The following FSIP2 variants were observed in gnomAD, a reference collection of about 807,000 sequenced individuals.
The protein encoded by FSIP2 is fibrous sheath interacting protein 2, also known as fibrous sheath-interacting protein 2.
Under a neutral mutation model 510.5 loss-of-function variants are expected in FSIP2, and 367 were observed. The ratio of observed to expected loss-of-function variants is 0.72; its 90% CI spans 0.66 to 0.78. The LOEUF (loss-of-function observed/expected upper bound fraction) is 0.78, where lower values mean the gene tolerates loss of function less well. FSIP2 is among the 30% of genes least tolerant of loss of function. The pLI is 0.00. For missense variants in FSIP2, 7,594 were observed against 7,901.7 expected, an observed-to-expected ratio of 0.96 and a Z score of 1.48; for synonymous variants, 2,601 against 2,732.2, an observed-to-expected ratio of 0.95 and a Z score of 1.50.
In FSIP2 at chr2:185,794,011, G is replaced by T. The variant is rs1693206020; in HGVS notation, c.6875G>T (p.Cys2292Phe). The T allele has an allele frequency of 6.5e-7, 1 of 1,533,526 alleles. No individual in the cohort carries two copies. The highest frequency in any genetic ancestry group is 1.4e-5 in the African/African-American group (1 of 72,844). 95.0% of individuals were successfully genotyped at this position (1,533,526 alleles called of 1,614,324 possible). A position where few individuals can be genotyped will look rare whatever the true frequency, so the allele number is the denominator to read the frequency against. The change falls in exon 16 of 23, where the codon TGT becomes TTT. Residue 2292 changes from cysteine to phenylalanine, a missense_variant. Cys to Phe is a radical substitution (Grantham distance 205, BLOSUM62 -2). Transcript: ENST00000424728. ...TTTGTTATCCCAGAATTGGAAAATT[G>T]TAAACAAAATGACAGCATCTTTTAT... ...KSFVIPELEN[C>F]KQNDSIFYDS...
intron 20 of FSIP2, among the ~76,000 whole-genome samples, chr2:185,825,722 TACTC>T (rs1694003176): frequency 6.6e-6 from 1 of 151,846 alleles, no homozygotes; most frequent in Non-Finnish European, 1.5e-5. Flanking sequence ...ATCATTTGCT[TACTC>T]ATTCATCCAA....
In FSIP2 at chr2:185,789,771, G is replaced by T; in HGVS notation, c.2635G>T (p.Glu879Ter). Residue 879 changes from glutamate to a stop codon, truncating the protein, a stop_gained, in exon 16 of 23, where the codon GAA (glutamate) becomes TAA (stop). Transcript: ENST00000424728. LOFTEE classifies it high-confidence loss of function. Reference sequence around the variant, plus strand: ...AAATAAATCTAGTCTTGAATCTGATGAAGCTAGTTTAATTGTCAATGAAGA... The same window carrying T: ...AAATAAATCTAGTCTTGAATCTGATTAAGCTAGTTTAATTGTCAATGAAGA... The part of the protein sequence containing the change: ...GKNKSSLESD[E>*]ASLIVNEEVQ... 2.0e-6 allele frequency: 3 copies of T among 1,534,380 alleles called. No homozygotes were observed. The highest frequency in any genetic ancestry group is 2.6e-6 in the Non-Finnish European group (3 of 1,145,708).
Position 185,806,255 on chromosome 2 carries a change from G to T in FSIP2, c.16949G>T (p.Arg5650Leu). 2 of 1,609,852 alleles carry T rather than the reference G, an allele frequency of 1.2e-6. No individual in the cohort carries two copies. The highest frequency in any genetic ancestry group is 1.7e-6 in the Non-Finnish European group (2 of 1,177,846). The change falls in exon 17 of 23, where the codon CGA (arginine) becomes CTA (leucine). Residue 5650 changes from arginine to leucine, a missense_variant. Physicochemically the swap from Arg to Leu is moderately radical, Grantham distance 102. Coordinates refer to ENST00000424728, the MANE Select transcript of FSIP2 (RefSeq NM_173651.4). ...TTTDTLEIRI[R>L]TSSNEGRRDS... is the part of the protein sequence containing the mutation. The stretch of plus-strand genomic sequence containing the variant: ...ACAGATACTTTGGAAATAAGAATTC[G>T]AACATCAAGCAATGAGGGGAGAAGA...
chr2:185,818,806 A>T (rs2105674972), intron 19 of FSIP2, among the ~76,000 whole-genome samples: 1 of 152,052 alleles, frequency 6.6e-6, no homozygotes, highest in East Asian at 1.9e-4. Flanking sequence ...GATCTACCTG[A>T]CAAGAAATGC....
intron 19 of FSIP2, among the ~76,000 whole-genome samples, chr2:185,821,166 G>C (rs998458497): frequency 5.3e-5 from 8 of 151,916 alleles, no homozygotes; most frequent in South Asian, 4.1e-4. Context: ...AGGGTACTAT[G>C]AATAATTGTA....
At chr2:185,778,275 G>GTTCT (rs1475499276) in intron 13 of FSIP2, among the ~76,000 whole-genome samples, 1 of 151,850 alleles carries the variant, frequency 6.6e-6, no homozygotes, top group African/African-American at 2.4e-5. Context: ...TAATGTCTCT[G>GTTCT]TTCTTTAGAT....
rs1292658005 is a variant in FSIP2, at chr2:185,793,820, T to C, written c.6684T>C (p.Asn2228=). Residue 2228 remains asparagine, a synonymous_variant, in exon 16 of 23, where the codon AAT becomes AAC. Transcript: ENST00000424728. The stretch of plus-strand genomic sequence containing the variant: ...AGAAATCAGCTTATGCTGATGATAA[T>C]CAGATAACTGTAGTAGAGAAAGAAG... ...RNQKSAYADD[N]QITVVEKEDT... is the part of the protein sequence containing the mutation. 5 of 1,532,596 alleles carry C rather than the reference T, an allele frequency of 3.3e-6. No homozygotes were observed. Among genetic ancestry groups the C allele is most frequent in the Admixed American group, 2.0e-5 (1 of 50,580 alleles). The allele number at this position is 1,532,596 out of a possible 1,614,324, so 94.9% of individuals were successfully genotyped here. A position where few individuals can be genotyped will look rare whatever the true frequency, so the allele number is the denominator to read the frequency against.
intron 7 of FSIP2, among the ~76,000 whole-genome samples, chr2:185,751,782 G>C: frequency 6.6e-6 from 1 of 150,566 alleles, no homozygotes. Flanking sequence ...AATTTATTAG[G>C]GTAGCTCTTA....
At chr2:185,778,812 A>T (rs906371112) in intron 13 of FSIP2, among the ~76,000 whole-genome samples, 1 of 152,070 alleles carries the variant, frequency 6.6e-6, no homozygotes, top group Non-Finnish European at 1.5e-5. Context: ...ATACACATAT[A>T]TACTTATTTT....
rs1230691690 is a variant in FSIP2, at chr2:185,795,386, T to C, written c.8250T>C (p.Ile2750=). The C allele has an allele frequency of 9.1e-6, 14 of 1,534,808 alleles. No homozygotes were observed. Among genetic ancestry groups the C allele is most frequent in the Non-Finnish European group, 1.2e-5 (14 of 1,146,202 alleles). Reference sequence around the variant, plus strand: ...TAATAATTAACATCCTAGAAACAATTGTGAAGGAATTTGGAAAGGTAAAGC... The same window carrying C: ...TAATAATTAACATCCTAGAAACAATCGTGAAGGAATTTGGAAAGGTAAAGC... ...KDIIINILET[I]VKEFGKVKQT... Residue 2750 remains isoleucine, a synonymous_variant, in exon 16 of 23, where the codon ATT becomes ATC. Transcript: ENST00000424728.
chr2:185,739,127 C>CCGGGGG (rs1691865778), intron 1 of FSIP2, 134 bp downstream of exon 1: 2 of 1,274,056 alleles, frequency 1.6e-6, no homozygotes, highest in Non-Finnish European at 2.1e-6. Flanking sequence ...CTTGCGGCGC[C>CCGGGGG]CGGGGGCGGT....
In FSIP2 at chr2:185,803,508, C is replaced by T; in HGVS notation, c.14202C>T (p.Ile4734=). ...KTLAARITNI[I]LAEIFDFQIH... ...TGGCTGCAAGAATAACTAATATCATCCTGGCTGAAATTTTTGATTTCCAAA... is the reference window on the plus strand; with the variant it reads ...TGGCTGCAAGAATAACTAATATCATTCTGGCTGAAATTTTTGATTTCCAAA... The change falls in exon 17 of 23, where the codon ATC becomes ATT. Residue 4734 remains isoleucine, a synonymous_variant. Transcript: ENST00000424728. 1.3e-6 allele frequency: 2 copies of T among 1,532,458 alleles called. No individual in the cohort carries two copies. Among genetic ancestry groups the T allele is most frequent in the African/African-American group, 2.7e-5 (2 of 72,932 alleles). 94.9% of individuals were successfully genotyped at this position (1,532,458 alleles called of 1,614,324 possible). A position where few individuals can be genotyped will look rare whatever the true frequency, so the allele number is the denominator to read the frequency against.
chr2:185,795,968 T>G lies in FSIP2; in HGVS notation c.8832T>G (p.Thr2944=). 1 of 1,534,686 alleles carries G rather than the reference T, an allele frequency of 6.5e-7. No individual in the cohort carries two copies. Among genetic ancestry groups the G allele is most frequent in the Non-Finnish European group, 8.7e-7 (1 of 1,145,974 alleles). The change falls in exon 16 of 23, where the codon ACT becomes ACG. Residue 2944 remains threonine, a synonymous_variant. Transcript: ENST00000424728. ...TTCCCACTCCAGATAGTGAAGAAAC[T>G]CTATCAAACAGTAAAGAACACATTA... ...SQIPTPDSEE[T]LSNSKEHITA...
chr2:185,760,021 G>A (rs574506244), intron 9 of FSIP2, among the ~76,000 whole-genome samples: 14 of 150,340 alleles, frequency 9.3e-5, no homozygotes, highest in Non-Finnish European at 1.6e-4. Context: ...CAGAGAATTT[G>A]TTCCTTGTAT....
chr2:185,738,296 G>A (rs1224777659), upstream of FSIP2: 3 of 335,914 alleles, frequency 8.9e-6, no homozygotes, highest in Admixed American at 1.4e-4. Flanking sequence ...TCAAGCTGCA[G>A]GAGCAGAGAG....
intron 13 of FSIP2, among the ~76,000 whole-genome samples, chr2:185,771,727 T>A (rs1176719302): frequency 6.6e-6 from 1 of 152,218 alleles, no homozygotes; most frequent in Non-Finnish European, 1.5e-5. Context: ...GGCCCCCTTT[T>A]AGTCATGCTA....
Position 185,802,264 on chromosome 2 carries a change from A to G in FSIP2, c.12958A>G (p.Ile4320Val). The change falls in exon 17 of 23, where the codon ATT (isoleucine) becomes GTT (valine). Residue 4320 changes from isoleucine to valine, a missense_variant. By Grantham distance (29) the Ile-to-Val change is conservative. Transcript: ENST00000424728. ...GATTGTTGCCAGACTTTTGTCAAAG[A>G]TTTTCAGCCCAAAGCATAACACTGA... ...REIVARLLSK[I>V]FSPKHNTEIE... The G allele has an allele frequency of 6.5e-7, 1 of 1,533,816 alleles. No homozygotes were observed.
In FSIP2 at chr2:185,804,205, A is replaced by C. The variant is rs1167733928; in HGVS notation, c.14899A>C (p.Asn4967His). 6.6e-7 allele frequency: 1 copy of C among 1,516,968 alleles called. No homozygotes were observed. Among genetic ancestry groups the C allele is most frequent in the Non-Finnish European group, 8.8e-7 (1 of 1,139,224 alleles). The allele number at this position is 1,516,968 out of a possible 1,614,324, so 94.0% of individuals were successfully genotyped here. ...CAAAATTCTTTATGCATTTTCACAT[A>C]ACATGTTGGTTACTGAAAATCCAGA... is the stretch of plus-strand genomic sequence containing the variant. Reference protein sequence around the residue: ...LCKILYAFSHNMLVTENPDRV... With the variant: ...LCKILYAFSHHMLVTENPDRV... Residue 4967 changes from asparagine (N) to histidine (H), a missense_variant, in exon 17 of 23, where the codon AAC becomes CAC. Physicochemically the swap from Asn to His is moderately conservative, Grantham distance 68. Transcript: ENST00000424728.
intron 13 of FSIP2, among the ~76,000 whole-genome samples, chr2:185,773,357 A>T (rs1692650134): frequency 6.6e-6 from 1 of 152,160 alleles, no homozygotes; most frequent in Admixed American, 6.5e-5. Flanking sequence ...TCTGCTGAGA[A>T]ATCTGCTGTT....
Sources: gnomAD v4.1 joint callset for allele counts (sites outside exome capture counted in the v4.1 genomes callset) on GRCh38, gnomAD v4.1.1 for gene constraint, MANE v1.5 for transcripts, NCBI Gene and HGNC (gene_info 2026-07-23, HGNC 2026-07-21) for gene names.